ADAMTSL1: variants seen among roughly 807,000 people sequenced by gnomAD.
ADAMTSL1 encodes the protein ADAMTS like 1, also known as ADAMTS-like protein 1.
In ADAMTSL1, 126 loss-of-function variants were observed where a neutral mutation model predicts 201.8. That is an observed-to-expected ratio of 0.62 (90% confidence interval 0.54 to 0.72). The LOEUF is 0.72. ADAMTSL1 is among the 30% of genes least tolerant of loss of function. The pLI is 0.00. For missense variants in ADAMTSL1, 2,679 were observed against 2,277.8 expected (o/e 1.18, Z -3.59); for synonymous variants, 1,121 against 903.4 (o/e 1.24, Z -4.32).
chr9:17,990,318 T>C (rs1819101343), intron 1 of ADAMTSL1, among the ~76,000 whole-genome samples: 2 of 152,080 alleles, frequency 1.3e-5, no homozygotes, highest in Admixed American at 1.3e-4. Context: ...TTTATGTACT[T>C]TATTTAGTCC....
intron 7 of ADAMTSL1, among the ~76,000 whole-genome samples, chr9:18,652,311 A>G (rs13298248): frequency 0.12 from 17,311 of 148,174 alleles, 1,276 homozygotes; most frequent in Non-Finnish European, 0.16. Context: ...GGCGGAGGTT[A>G]CAAAGATTGC....
chr9:18,355,428 G>A (rs1233997172), intron 2 of ADAMTSL1, among the ~76,000 whole-genome samples: 1 of 152,114 alleles, frequency 6.6e-6, no homozygotes, highest in Non-Finnish European at 1.5e-5. Context: ...AAGATTGGAG[G>A]TGATATTTTC....
intron 2 of ADAMTSL1, among the ~76,000 whole-genome samples, chr9:18,176,958 T>C (rs9298789): frequency 0.99 from 150,286 of 152,338 alleles, 74,163 homozygotes; most frequent in Middle Eastern, 1. Flanking sequence ...TTCAAAGGAG[T>C]TGATGAGCAC....
intron 4 of ADAMTSL1, among the ~76,000 whole-genome samples, chr9:18,617,238 A>C (rs1355640848): frequency 1.3e-5 from 2 of 152,190 alleles, no homozygotes; most frequent in African/African-American, 4.8e-5. Context: ...CTGCTTATGG[A>C]TTATGTTTAT....
intron 2 of ADAMTSL1, among the ~76,000 whole-genome samples, chr9:18,297,602 TATGC>T (rs1336803451): frequency 6.6e-6 from 1 of 152,228 alleles, no homozygotes; most frequent in African/African-American, 2.4e-5. Flanking sequence ...ATGTGCTTAA[TATGC>T]ATCCCTCAGG....
intron 26 of ADAMTSL1, among the ~76,000 whole-genome samples, chr9:18,899,346 C>A (rs554067754): frequency 1.3e-5 from 2 of 152,282 alleles, no homozygotes; most frequent in South Asian, 4.1e-4. Flanking sequence ...TAGGAAAAAT[C>A]AGTATCATGA....
rs572598477 is a variant in ADAMTSL1 at position 18,646,913 on chromosome 9, T to G, written c.834+7502T>G. On this transcript the variant is annotated intron_variant, in intron 7 of 28. Coordinates refer to ENST00000380548, the MANE Select transcript of ADAMTSL1 (RefSeq NM_001040272.6). The stretch of plus-strand genomic sequence containing the variant: ...ATGATGCAGGCCTCATCAAATGAGT[T>G]AGGGAGGATTCCCTCTTTTTCTATT... Among the ~76,000 whole-genome samples the G allele has an allele frequency of 4.3e-3, 654 of 152,272 alleles. 1 individual carries two copies. Among genetic ancestry groups the G allele is most frequent in the African/African-American group, 0.012 (496 of 41,566 alleles).
At chr9:18,170,828 G>A (rs898192584) in intron 2 of ADAMTSL1, among the ~76,000 whole-genome samples, 1 of 152,082 alleles carries the variant, frequency 6.6e-6, no homozygotes, top group African/African-American at 2.4e-5. Context: ...GCATCTAACT[G>A]TGGTGGATAC....
intron 2 of ADAMTSL1, among the ~76,000 whole-genome samples, chr9:18,518,998 C>T (rs1343226089): frequency 2.6e-5 from 4 of 152,176 alleles, no homozygotes; most frequent in African/African-American, 7.2e-5. Flanking sequence ...CTTTTGCTAC[C>T]TCTCTGCCTC....
Position 18,753,634 on chromosome 9 carries a change from C to T in ADAMTSL1, c.2217+126C>T, listed in dbSNP as rs570302604. On this transcript the variant is annotated intron_variant, in intron 16 of 28. Transcript: ENST00000380548. ...ATGTTCAAGATCTGCTCATTTCTCCCTTCTTAGTACTCCCCTAACCTGATT... is the reference window on the plus strand; with the variant it reads ...ATGTTCAAGATCTGCTCATTTCTCCTTTCTTAGTACTCCCCTAACCTGATT... The T allele has an allele frequency of 3.1e-5, 32 of 1,023,516 alleles. No individual in the cohort carries two copies. In the South Asian group the frequency reaches 3.8e-4, roughly 12 times the overall value. 63.4% of individuals were successfully genotyped at this position (1,023,516 alleles called of 1,614,324 possible). A position where few individuals can be genotyped will look rare whatever the true frequency, so the allele number is the denominator to read the frequency against.
rs1821870409 is a variant in ADAMTSL1, at chr9:18,566,023, T to G, written c.238-8007T>G. On this transcript the variant is annotated intron_variant, in intron 3 of 28. Transcript: ENST00000380548. Reference sequence around the variant, plus strand: ...TTTATGTTTCTTAATATTGGCCTGTTAAATTTGTTTACATGGAGAAGGAAA... The same window carrying G: ...TTTATGTTTCTTAATATTGGCCTGTGAAATTTGTTTACATGGAGAAGGAAA... 2.0e-5 allele frequency among the ~76,000 whole-genome samples: 3 copies of G among 152,220 alleles called. No individual in the cohort carries two copies. In the South Asian group the frequency reaches 6.2e-4, roughly 31 times the overall value.
intron 1 of ADAMTSL1, among the ~76,000 whole-genome samples, chr9:18,486,347 G>T (rs1821993109): frequency 6.6e-6 from 1 of 152,224 alleles, no homozygotes; most frequent in Non-Finnish European, 1.5e-5. Flanking sequence ...CTGCCAAACT[G>T]TTGTGACTTA....
intron 2 of ADAMTSL1, among the ~76,000 whole-genome samples, chr9:18,520,629 T>G (rs989280430): frequency 5.3e-5 from 8 of 152,356 alleles, no homozygotes; most frequent in Non-Finnish European, 8.8e-5. Context: ...TGTTAGTGCC[T>G]CTGGCACACT....
chr9:18,205,162 T>C (rs1323777951), intron 2 of ADAMTSL1, among the ~76,000 whole-genome samples: 5 of 152,140 alleles, frequency 3.3e-5, no homozygotes, highest in Non-Finnish European at 7.4e-5. Context: ...CTGACAGAAT[T>C]ATTGCCTAGG....
chr9:18,814,981 G>A (rs1364974833), intron 20 of ADAMTSL1, among the ~76,000 whole-genome samples: 2 of 152,160 alleles, frequency 1.3e-5, no homozygotes, highest in Non-Finnish European at 2.9e-5. Context: ...AATCTTCAGA[G>A]AAATGTAAAC....
chr9:18,376,720 C>A (rs1837312376), intron 2 of ADAMTSL1, among the ~76,000 whole-genome samples: 1 of 152,088 alleles, frequency 6.6e-6, no homozygotes, highest in East Asian at 1.9e-4. Context: ...GCTGGAGAAT[C>A]ACTTGAACCC....
intron 1 of ADAMTSL1, among the ~76,000 whole-genome samples, chr9:17,992,546 G>C (rs557236996): frequency 6.6e-6 from 1 of 152,218 alleles, no homozygotes; most frequent in East Asian, 1.9e-4. Flanking sequence ...GGAGACTGAG[G>C]TCGGGGGATC....
At chr9:18,708,628 A>G (rs1832368690) in intron 14 of ADAMTSL1, among the ~76,000 whole-genome samples, 3 of 152,252 alleles carry the variant, frequency 2.0e-5, no homozygotes, top group Admixed American at 2.0e-4. Context: ...GCTTCTTTCC[A>G]ACATAGCAGA....
chr9:18,026,848 G>A (rs1820719418), intron 1 of ADAMTSL1, among the ~76,000 whole-genome samples: 1 of 151,826 alleles, frequency 6.6e-6, no homozygotes, highest in African/African-American at 2.4e-5. Flanking sequence ...GCTTTTTTTG[G>A]TTAGTAGGAT....
Sources: gnomAD v4.1 joint callset for allele counts (sites outside exome capture counted in the v4.1 genomes callset) on GRCh38, gnomAD v4.1.1 for gene constraint, MANE v1.5 for transcripts, NCBI Gene and HGNC (gene_info 2026-07-23, HGNC 2026-07-21) for gene names.